The following CHD7 variants were observed in gnomAD, a reference collection of about 807,000 sequenced individuals.
CHD7 encodes the protein chromodomain helicase DNA binding protein 7, also known as ATP-dependent chromatin remodeler CHD7.
CHD7 carries 24 observed loss-of-function variants against 307.3 expected under a neutral mutation model. That is an observed-to-expected ratio of 0.08 (90% confidence interval 0.06 to 0.11). The LOEUF (loss-of-function observed/expected upper bound fraction) is 0.11, where lower values mean the gene tolerates loss of function less well. CHD7 is among the 10% of genes least tolerant of loss of function. CHD7 has a pLI of 1.00. For synonymous variants in CHD7, 1,363 were observed against 1,349.9 expected, an observed-to-expected ratio of 1.01 and a Z score of -0.21; for missense variants, 3,106 against 3,727.1, an observed-to-expected ratio of 0.83 and a Z score of 4.34.
intron 13 of CHD7, chr8:60,824,623 AG>A (rs1804186262): frequency 6.6e-6 from 1 of 152,390 alleles, no homozygotes; most frequent in Non-Finnish European, 1.5e-5. Context: ...CAGGACTTGT[AG>A]ATGCAAGTTC....
chr8:60,850,090 G>T (rs1805385177), intron 25 of CHD7, among the ~76,000 whole-genome samples: 1 of 152,196 alleles, frequency 6.6e-6, no homozygotes, highest in African/African-American at 2.4e-5. Context: ...GTTCCTGCAG[G>T]ACTGATGCTA....
At position 60,781,093 on chromosome 8, in the gene CHD7, C is replaced by T; in HGVS notation, c.1759C>T (p.Leu587=). ...TCAGCTAGTGAAGAGTGATGATTAC[C>T]TGCCATCAATAGAACAGCAGCCACA... ...NAQLVKSDDY[L]PSIEQQPQQK... is the part of the protein sequence containing the mutation. Residue 587 remains leucine (L), a synonymous_variant, in exon 3 of 38, where the codon CTG becomes TTG. Coordinates refer to ENST00000423902, the MANE Select transcript of CHD7 (RefSeq NM_017780.4). 1 of 1,611,000 alleles carries T rather than the reference C, an allele frequency of 6.2e-7. No individual in the cohort carries two copies. Among genetic ancestry groups the T allele is most frequent in the Non-Finnish European group, 8.5e-7 (1 of 1,178,720 alleles).
intron 8 of CHD7, 90 bp from the exon 9 acceptor site, chr8:60,819,917 C>T: frequency 1.1e-6 from 1 of 909,038 alleles, no homozygotes; most frequent in Admixed American, 2.1e-5. Context: ...TTGCTGTGAC[C>T]CAAAATATTA....
chr8:60,779,673 G>A (rs148960389), intron 2 of CHD7, among the ~76,000 whole-genome samples: 27 of 152,194 alleles, frequency 1.8e-4, no homozygotes, highest in African/African-American at 6.0e-4. Context: ...TCCTTTTCTC[G>A]TAGTAAGCCT....
At position 60,865,534 on chromosome 8, in the gene CHD7, G is replaced by A. The variant is rs757002335; in HGVS notation, c.8595G>A (p.Ser2865=). 41 of 1,613,938 alleles carry A rather than the reference G, an allele frequency of 2.5e-5. No individual in the cohort carries two copies. The highest frequency in any genetic ancestry group is 6.7e-5 in the African/African-American group (5 of 74,940). The change falls in exon 38 of 38, where the codon TCG becomes TCA. Residue 2865 remains serine, a synonymous_variant. Coordinates refer to ENST00000423902, the MANE Select transcript of CHD7 (RefSeq NM_017780.4). The surrounding 1 kb of genome is among the most constrained non-coding windows in gnomAD (Gnocchi z 4.3). ...CTGAGAAAAGCACAGATGCTGTTTCGGCTGCTGACTCTGCGAATGGATCTG... is the reference window on the plus strand; with the variant it reads ...CTGAGAAAAGCACAGATGCTGTTTCAGCTGCTGACTCTGCGAATGGATCTG... The part of the protein sequence containing the change: ...KDSEKSTDAV[S]AADSANGSVG...
In CHD7 at chr8:60,853,066, A is replaced by G; in HGVS notation, c.6341A>G (p.Tyr2114Cys). 6.2e-7 allele frequency: 1 copy of G among 1,613,978 alleles called. No individual in the cohort carries two copies. The highest frequency in any genetic ancestry group is 8.5e-7 in the Non-Finnish European group (1 of 1,179,882). ...AAACACGGGGTCAGTCGGACGGATT[A>G]TCACATCCTCAATGACCCTGAGTTA... ...AAKHGVSRTD[Y>C]HILNDPELSF... Residue 2114 changes from tyrosine to cysteine, a missense_variant, in exon 31 of 38, where the codon TAT becomes TGT. Transcript: ENST00000423902.
intron 25 of CHD7, among the ~76,000 whole-genome samples, chr8:60,850,235 G>A (rs1302521556): frequency 6.6e-6 from 1 of 152,198 alleles, no homozygotes; most frequent in Non-Finnish European, 1.5e-5. Context: ...GCATCTTGCA[G>A]TTATTCTGAA....
intron 1 of CHD7, among the ~76,000 whole-genome samples, chr8:60,711,122 C>A (rs1807264995): frequency 1.3e-5 from 2 of 152,164 alleles, no homozygotes. Context: ...ACAAGTACCT[C>A]TAAGATCTTG....
At chr8:60,680,223 G>A (rs1805533314) in intron 1 of CHD7, among the ~76,000 whole-genome samples, 1 of 151,710 alleles carries the variant, frequency 6.6e-6, no homozygotes, top group African/African-American at 2.4e-5. Flanking sequence ...CGGCCGAGGT[G>A]GCTGGAGGCC....
chr8:60,860,830 G>A (rs1373905125), intron 34 of CHD7, 74 bp from the exon 35 acceptor site: 8 of 1,081,814 alleles, frequency 7.4e-6, no homozygotes, highest in South Asian at 4.6e-5. Context: ...CTAGGATAGC[G>A]TTTTCTTGAA....
intron 1 of CHD7, among the ~76,000 whole-genome samples, chr8:60,736,389 T>C (rs1259151385): frequency 6.6e-6 from 1 of 152,206 alleles, no homozygotes; most frequent in Non-Finnish European, 1.5e-5. Flanking sequence ...GAGCCCTTTG[T>C]CTTCGGTCTG....
chr8:60,693,688 G>A (rs1806315104), intron 1 of CHD7, among the ~76,000 whole-genome samples: 1 of 152,224 alleles, frequency 6.6e-6, no homozygotes, highest in Non-Finnish European at 1.5e-5. Flanking sequence ...CCTGACATCT[G>A]ATTGGAACAC....
chr8:60,692,050 T>C (rs2150490282), intron 1 of CHD7, among the ~76,000 whole-genome samples: 1 of 152,318 alleles, frequency 6.6e-6, no homozygotes, highest in South Asian at 2.1e-4. Flanking sequence ...TACGAAGCAA[T>C]GTGGTTAGAC....
chr8:60,837,602 G>T, intron 17 of CHD7, 66 bp from the exon 18 acceptor site: 1 of 1,353,196 alleles, frequency 7.4e-7, no homozygotes, highest in Non-Finnish European at 1.0e-6. Flanking sequence ...TTCAGCATAT[G>T]AATTTGGTGG....
At position 60,862,354 on chromosome 8, in the gene CHD7, GA is replaced by G. The variant is rs1395316105; in HGVS notation, c.7971+20del. On this transcript the variant is annotated intron_variant, in intron 36 of 37. Coordinates refer to ENST00000423902, the MANE Select transcript of CHD7 (RefSeq NM_017780.4). ...GGAAGAAGGTAAACGCTGGGAAAGG[GA>G]ATTGATCACTATGCGATTTCTTAGC... The G allele has an allele frequency of 6.3e-7, 1 of 1,591,718 alleles. No homozygotes were observed. The highest frequency in any genetic ancestry group is 1.4e-5 in the African/African-American group (1 of 73,790).
intron 11 of CHD7, 118 bp downstream of exon 11, chr8:60,822,263 A>G: frequency 1.2e-6 from 1 of 867,504 alleles, no homozygotes; most frequent in Non-Finnish European, 1.7e-6. Context: ...TTTTCAAAAA[A>G]CAAGCATTGA....
Position 60,763,307 on chromosome 8 carries a change from C to A in CHD7, c.1666-17693C>A, listed in dbSNP as rs191200101. Among the ~76,000 whole-genome samples, 314 of 152,204 alleles carry A rather than the reference C, an allele frequency of 2.1e-3. 1 individual carries two copies. Among genetic ancestry groups the A allele is most frequent in the Non-Finnish European group, 1.9e-3 (131 of 68,024 alleles). On this transcript the variant is annotated intron_variant, in intron 2 of 37. Transcript: ENST00000423902. ...TGTTTTTGTACTAAGTCTTTGAGAT[C>A]TGGTGCTTTTGTACTTGTAGCACAT...
At position 60,774,254 on chromosome 8, in the gene CHD7, GTAAAT is replaced by G. The variant is rs569760737; in HGVS notation, c.1666-6742_1666-6738del. Among the ~76,000 whole-genome samples, 7 of 152,252 alleles carry G rather than the reference GTAAAT, an allele frequency of 4.6e-5. No homozygotes were observed. The South Asian group carries it at 8.3e-4, about 18-fold the overall frequency. ...CCATTTTCTAGCTGTGTAACTTTGG[GTAAAT>G]TAATCTTAAGGTTTCGGTTCCATCA... On this transcript the variant is annotated intron_variant, in intron 2 of 37. Coordinates refer to ENST00000423902, the MANE Select transcript of CHD7 (RefSeq NM_017780.4).
intron 2 of CHD7, among the ~76,000 whole-genome samples, chr8:60,746,191 G>A (rs922179519): frequency 3.3e-5 from 5 of 152,148 alleles, no homozygotes; most frequent in Non-Finnish European, 5.9e-5. Context: ...GCACCACCGT[G>A]CCTGGCTAAT....
Sources: allele counts gnomAD v4.1 joint callset (sites outside exome capture counted in the v4.1 genomes callset), GRCh38; gene constraint gnomAD v4.1.1; non-coding constraint Gnocchi (gnomAD v3.1); transcripts MANE v1.5; gene names NCBI Gene and HGNC (gene_info 2026-07-23, HGNC 2026-07-21).